KLHL29: variants seen among roughly 807,000 people sequenced by gnomAD.
KLHL29 encodes the protein kelch like family member 29.
A neutral mutation model predicts 80.4 loss-of-function variants in KLHL29; 21 were observed. The ratio of observed to expected loss-of-function variants is 0.26; its 90% confidence interval spans 0.19 to 0.38. KLHL29 has a LOEUF of 0.38. KLHL29 is among the 10% of genes least tolerant of loss of function. KLHL29 has a pLI of 1.00. For missense variants in KLHL29, 867 were observed against 1,223.9 expected (o/e 0.71, Z 4.35); for synonymous variants, 511 against 526.8 (o/e 0.97, Z 0.41).
At chr2:23,407,094 A>G (rs752718226) in intron 1 of KLHL29, among the ~76,000 whole-genome samples, 3 of 152,124 alleles carry the variant, frequency 2.0e-5, no homozygotes, top group South Asian at 2.1e-4. Flanking sequence ...ACCATGTTTC[A>G]TTATATTCTG....
In KLHL29 at chr2:23,604,783, A is replaced by G. The variant is rs562716962; in HGVS notation, c.286-34356A>G. 2.6e-5 allele frequency among the ~76,000 whole-genome samples: 4 copies of G among 152,118 alleles called. No individual in the cohort carries two copies. In the East Asian group the frequency reaches 7.8e-4, roughly 30 times the overall value. ...CCCCTTCCCTGGAGGTGGTGTCCTT[A>G]CCACGCCTCTCCAGTGCCTCCTCCT... On this transcript the variant is annotated intron_variant, in intron 3 of 13. Transcript: ENST00000486442.
intron 1 of KLHL29, among the ~76,000 whole-genome samples, chr2:23,404,320 G>C (rs1666673303): frequency 6.6e-6 from 1 of 152,110 alleles, no homozygotes; most frequent in Non-Finnish European, 1.5e-5. Context: ...ATTTAGAAAG[G>C]AGAATAATTA....
chr2:23,445,107 A>G (rs763025217), intron 1 of KLHL29, among the ~76,000 whole-genome samples: 1 of 152,144 alleles, frequency 6.6e-6, no homozygotes, highest in Non-Finnish European at 1.5e-5. Flanking sequence ...GCTGTATGTC[A>G]TTTCACTTAA....
chr2:23,679,813 A>G (rs574571585), intron 5 of KLHL29, among the ~76,000 whole-genome samples: 12 of 152,328 alleles, frequency 7.9e-5, no homozygotes, highest in African/African-American at 2.6e-4. Context: ...GAAGGAGGCA[A>G]AGAGGCCCAG....
chr2:23,563,741 T>C (rs12478906), intron 3 of KLHL29, among the ~76,000 whole-genome samples: 134,201 of 152,328 alleles, frequency 0.88, 59,490 homozygotes, highest in East Asian at 1. Context: ...TGGCAGAGGC[T>C]GAGACAATGG....
intron 11 of KLHL29, among the ~76,000 whole-genome samples, chr2:23,698,522 C>T (rs1283071032): frequency 6.6e-6 from 1 of 151,964 alleles, no homozygotes; most frequent in African/African-American, 2.4e-5. Flanking sequence ...ACTAATGGTA[C>T]AAATGGCTAT....
chr2:23,533,615 C>A (rs1666569907), intron 2 of KLHL29, among the ~76,000 whole-genome samples: 1 of 152,214 alleles, frequency 6.6e-6, no homozygotes, highest in Non-Finnish European at 1.5e-5. Context: ...CCTTCCCTGG[C>A]AGCTGCAGAT....
chr2:23,492,372 GGCTGCTGGTCTTCTTCACCCCC>G (rs982943003), intron 2 of KLHL29, among the ~76,000 whole-genome samples: 3 of 152,206 alleles, frequency 2.0e-5, no homozygotes, highest in African/African-American at 7.2e-5. Context: ...ACCGGTTTGG[GGCTGCTGGTCTTCTTCACCCCC>G]GCTTCTGAAA....
intron 3 of KLHL29, among the ~76,000 whole-genome samples, chr2:23,576,446 A>G (rs974842968): frequency 3.9e-5 from 6 of 152,226 alleles, no homozygotes; most frequent in Admixed American, 3.3e-4. Flanking sequence ...GCAACTTGTC[A>G]TCTGCTGAGA....
chr2:23,703,524 C>T (rs1329023170), intron 12 of KLHL29, 145 bp downstream of exon 12: 5 of 1,074,036 alleles, frequency 4.7e-6, no homozygotes, highest in Non-Finnish European at 6.5e-6. Flanking sequence ...TGCCGAGCCC[C>T]CAGCTCAGGT....
At chr2:23,480,918 T>C (rs938823505) in intron 2 of KLHL29, among the ~76,000 whole-genome samples, 2 of 152,184 alleles carry the variant, frequency 1.3e-5, no homozygotes, top group African/African-American at 4.8e-5. Context: ...ACTCCTTTGC[T>C]AGGACCCTTG....
intron 1 of KLHL29, among the ~76,000 whole-genome samples, chr2:23,438,190 T>C (rs1315582074): frequency 2.0e-5 from 3 of 151,104 alleles, no homozygotes; most frequent in Non-Finnish European, 2.9e-5. Flanking sequence ...AAGTTGCTTA[T>C]CAGCTTAAGG....
At chr2:23,571,229 G>A (rs1667709696) in intron 3 of KLHL29, among the ~76,000 whole-genome samples, 1 of 152,220 alleles carries the variant, frequency 6.6e-6, no homozygotes, top group African/African-American at 2.4e-5. Context: ...GGTTAGAAGT[G>A]GCCCTCAGAC....
intron 1 of KLHL29, among the ~76,000 whole-genome samples, chr2:23,420,109 C>G (rs1475966419): frequency 1.3e-5 from 2 of 152,174 alleles, no homozygotes; most frequent in Non-Finnish European, 2.9e-5. Flanking sequence ...TGTGGTGACC[C>G]TTGGCCTCGC....
chr2:23,556,193 C>T (rs1360797539), intron 2 of KLHL29, among the ~76,000 whole-genome samples: 1 of 152,186 alleles, frequency 6.6e-6, no homozygotes, highest in Non-Finnish European at 1.5e-5. Flanking sequence ...AGCTGGCTTC[C>T]TAAGTTGTGT....
chr2:23,590,437 G>C (rs1236554645), intron 3 of KLHL29, among the ~76,000 whole-genome samples: 2 of 152,196 alleles, frequency 1.3e-5, no homozygotes, highest in African/African-American at 4.8e-5. Flanking sequence ...ATTGTTTCCT[G>C]TAGGTTTTGT....
At chr2:23,604,106 A>T (rs1283155353) in intron 3 of KLHL29, among the ~76,000 whole-genome samples, 5 of 152,038 alleles carry the variant, frequency 3.3e-5, no homozygotes, top group African/African-American at 1.2e-4. Context: ...ACAAAGGACC[A>T]TTGGACAACT....
chr2:23,642,466 AC>A lies in KLHL29; in HGVS notation c.561del (p.Ser188HisfsTer12). On this transcript the variant is annotated frameshift_variant, in exon 5 of 14. Transcript: ENST00000486442. LOFTEE classifies it high-confidence loss of function. ...VNVQAPVIGV[T>X]PSLPPHVGPQ... ...CGTCCAGGCCCCGGTCATTGGGGTG[AC>A]CCCCTCACTGCCTCCCCACGTGGGG... 1 of 1,510,820 alleles carries A rather than the reference AC, an allele frequency of 6.6e-7. No homozygotes were observed. Among genetic ancestry groups the A allele is most frequent in the South Asian group, 1.3e-5 (1 of 77,212 alleles). 93.6% of individuals were successfully genotyped at this position (1,510,820 alleles called of 1,614,324 possible).
At chr2:23,595,466 C>A (rs989524900) in intron 3 of KLHL29, among the ~76,000 whole-genome samples, 5 of 152,222 alleles carry the variant, frequency 3.3e-5, no homozygotes, top group Admixed American at 6.5e-5. Flanking sequence ...TCCTACCTGC[C>A]CTCTCTGTGC....
Sources: gnomAD v4.1 joint callset for allele counts (sites outside exome capture counted in the v4.1 genomes callset) on GRCh38, gnomAD v4.1.1 for gene constraint, MANE v1.5 for transcripts, NCBI Gene and HGNC (gene_info 2026-07-23, HGNC 2026-07-21) for gene names.